The following CAPN8 variants were observed in gnomAD, a reference collection of about 807,000 sequenced individuals.
CAPN8 encodes calpain 8, also known as calpain-8.
In CAPN8, 87 loss-of-function variants were observed where a neutral mutation model predicts 80.9. The ratio of observed to expected loss-of-function variants is 1.07; its 90% CI spans 0.90 to 1.28. CAPN8 has a LOEUF of 1.28. Among genes scored for constraint, CAPN8 ranks in the 50% most tolerant of loss-of-function variants. The pLI is 0.00. For missense variants in CAPN8, 757 were observed against 702.0 expected, an observed-to-expected ratio of 1.08 and a Z score of -0.89; for synonymous variants, 299 against 273.8, an observed-to-expected ratio of 1.09 and a Z score of -0.91.
rs543611031 is a variant in CAPN8 at position 223,640,570 on chromosome 1, G to T, written c.308-11790C>A. 3.9e-5 allele frequency among the ~76,000 whole-genome samples: 6 copies of T among 152,244 alleles called. No homozygotes were observed. The East Asian group carries it at 1.2e-3, about 29-fold the overall frequency. The stretch of plus-strand genomic sequence containing the variant: ...GTTGCTGAAGCCCAGAAGCCATTCT[G>T]ATTCCTTTTCCTCACTCCATTCATA... On this transcript the variant is annotated intron_variant, in intron 2 of 20. Transcript: ENST00000366872.
chr1:223,617,591 G>C (rs1657238383), intron 9 of CAPN8: 1 of 152,196 alleles, frequency 6.6e-6, no homozygotes, highest in African/African-American at 2.4e-5. Context: ...CATTTTCTAA[G>C]AGCTTGCTAA....
At chr1:223,641,701 C>T (rs1459116011) in intron 2 of CAPN8, among the ~76,000 whole-genome samples, 4 of 152,208 alleles carry the variant, frequency 2.6e-5, no homozygotes, top group African/African-American at 7.2e-5. Flanking sequence ...TGCAAGTCCC[C>T]GCCCCAGTGC....
intron 9 of CAPN8, among the ~76,000 whole-genome samples, 154 bp from the exon 10 acceptor site, chr1:223,616,299 A>G (rs1456346164): frequency 1.3e-5 from 2 of 152,252 alleles, no homozygotes. Flanking sequence ...GTTCTTTACA[A>G]GGTGGTCAGG....
intron 2 of CAPN8, among the ~76,000 whole-genome samples, chr1:223,631,177 G>T (rs1657763231): frequency 6.6e-6 from 1 of 151,784 alleles, no homozygotes; most frequent in Admixed American, 6.6e-5. Context: ...CCCTCTGCTT[G>T]CAAACTTCTT....
At chr1:223,645,707 G>T (rs772097506) in intron 2 of CAPN8, among the ~76,000 whole-genome samples, 31 of 152,176 alleles carry the variant, frequency 2.0e-4, no homozygotes, top group African/African-American at 6.5e-4. Flanking sequence ...GGGGGCCACA[G>T]GTGGCAGAGC....
intron 2 of CAPN8, among the ~76,000 whole-genome samples, chr1:223,630,113 G>T (rs1027232338): frequency 7.2e-5 from 11 of 152,102 alleles, no homozygotes; most frequent in Admixed American, 3.9e-4. Flanking sequence ...CACATCTGAG[G>T]AGCCAACATC....
At chr1:223,643,061 C>T (rs1213807280) in intron 2 of CAPN8, among the ~76,000 whole-genome samples, 1 of 152,202 alleles carries the variant, frequency 6.6e-6, no homozygotes. Flanking sequence ...AAGCGGCTTG[C>T]TTACTGAGTT....
intron 13 of CAPN8, among the ~76,000 whole-genome samples, chr1:223,555,361 C>T (rs879107989): frequency 0.24 from 36,863 of 152,164 alleles, 4,476 homozygotes; most frequent in East Asian, 0.31. Flanking sequence ...AAGATGCTCC[C>T]TGCATCCGAC....
chr1:223,645,240 C>G (rs923332917), intron 2 of CAPN8, among the ~76,000 whole-genome samples: 5 of 152,184 alleles, frequency 3.3e-5, no homozygotes, highest in Non-Finnish European at 7.3e-5. Flanking sequence ...TTCCATATTC[C>G]TCAGCCTGCT....
chr1:223,664,905 AC>A (rs1251169114), intron 1 of CAPN8, among the ~76,000 whole-genome samples: 1 of 152,108 alleles, frequency 6.6e-6, no homozygotes, highest in Non-Finnish European at 1.5e-5. Context: ...GCACCACTGC[AC>A]TCCAGTCTGG....
chr1:223,558,773 GGT>G (rs1436714152), intron 12 of CAPN8, among the ~76,000 whole-genome samples: 1 of 150,540 alleles, frequency 6.6e-6, no homozygotes, highest in African/African-American at 2.4e-5. Context: ...TGGTGTGTTT[GGT>G]GTGTGTGGTA....
chr1:223,645,334 A>T (rs1005985090), intron 2 of CAPN8, among the ~76,000 whole-genome samples: 1 of 152,116 alleles, frequency 6.6e-6, no homozygotes, highest in Admixed American at 6.5e-5. Context: ...CACTGACTCA[A>T]ATGTTAATCT....
chr1:223,642,604 G>A, intron 2 of CAPN8: 1 of 361,284 alleles, frequency 2.8e-6, no homozygotes, highest in Non-Finnish European at 5.4e-6. Context: ...ACCCCAGAGA[G>A]TTAATGTACT....
chr1:223,630,971 C>T (rs918555535), intron 2 of CAPN8, among the ~76,000 whole-genome samples: 8 of 152,168 alleles, frequency 5.3e-5, no homozygotes, highest in Admixed American at 2.0e-4. Flanking sequence ...CACCCCTGCT[C>T]GCAACTGTCC....
intron 13 of CAPN8, among the ~76,000 whole-genome samples, chr1:223,555,344 G>T (rs985604913): frequency 6.6e-6 from 1 of 152,162 alleles, no homozygotes; most frequent in African/African-American, 2.4e-5. Flanking sequence ...TGGAATGATC[G>T]TCAGAGAAGA....
chr1:223,641,718 C>T (rs1658047829), intron 2 of CAPN8, among the ~76,000 whole-genome samples: 2 of 152,352 alleles, frequency 1.3e-5, no homozygotes, highest in East Asian at 1.9e-4. Flanking sequence ...GTGCTATGCA[C>T]TTCCTAGCCA....
At chr1:223,541,960 T>A (rs1384703402) in intron 20 of CAPN8, 101 bp from the exon 21 acceptor site, 1 of 1,527,256 alleles carries the variant, frequency 6.5e-7, no homozygotes, top group East Asian at 2.5e-5. Context: ...TCTTTTTATC[T>A]CCATTCTCCA....
intron 2 of CAPN8, among the ~76,000 whole-genome samples, chr1:223,646,346 G>A (rs954481247): frequency 6.6e-6 from 1 of 152,228 alleles, no homozygotes; most frequent in Non-Finnish European, 1.5e-5. Context: ...TTGGATGGCG[G>A]GAGCCAGCCT....
intron 2 of CAPN8, among the ~76,000 whole-genome samples, chr1:223,634,695 C>T (rs560658816): frequency 6.6e-5 from 10 of 152,252 alleles, no homozygotes; most frequent in Admixed American, 1.3e-4. Context: ...TGTCCTCAAA[C>T]GGCAGAAGGG....
Sources: allele counts gnomAD v4.1 joint callset (sites outside exome capture counted in the v4.1 genomes callset), GRCh38; gene constraint gnomAD v4.1.1; transcripts MANE v1.5; gene names NCBI Gene and HGNC (gene_info 2026-07-23, HGNC 2026-07-21).